The following CHIC2 variants were observed in gnomAD, a reference collection of about 807,000 sequenced individuals.
The protein encoded by CHIC2 is cysteine-rich hydrophobic domain-containing protein 2.
Under a neutral mutation model 25.9 loss-of-function variants are expected in CHIC2, and 14 were observed. The ratio of observed to expected loss-of-function variants is 0.54; its 90% CI spans 0.36 to 0.85. The LOEUF (loss-of-function observed/expected upper bound fraction) is 0.85. Ranked by LOEUF, CHIC2 falls within the 40% of genes least tolerant of loss-of-function variation. CHIC2 has a pLI of 0.01. For missense variants in CHIC2, 146 were observed against 202.0 expected, an observed-to-expected ratio of 0.72 and a Z score of 1.68; for synonymous variants, 70 against 72.0, an observed-to-expected ratio of 0.97 and a Z score of 0.14.
the CHIC2 span, among the ~76,000 whole-genome samples, chr4:54,076,470 G>C: frequency 2.6e-5 from 4 of 152,060 alleles, no homozygotes; most frequent in African/African-American, 9.7e-5. Context: ...AAAGCTAACT[G>C]GTTTTACTCA....
At chr4:54,081,359 T>A in the CHIC2 span, among the ~76,000 whole-genome samples, 1 of 151,988 alleles carries the variant, frequency 6.6e-6, no homozygotes, top group Non-Finnish European at 1.5e-5. Context: ...TAATCTTTAT[T>A]GTGATAGTTA....
the CHIC2 span, among the ~76,000 whole-genome samples, chr4:54,073,224 G>A: frequency 1.3e-5 from 2 of 152,174 alleles, no homozygotes; most frequent in Non-Finnish European, 2.9e-5. Flanking sequence ...TTGGTCAACA[G>A]CCTTCTTAAC....
upstream of CHIC2, among the ~76,000 whole-genome samples, chr4:54,066,982 G>A (rs189689527): frequency 3.3e-3 from 501 of 152,304 alleles, 2 homozygotes; most frequent in African/African-American, 0.011. Flanking sequence ...TCCCAAAGAC[G>A]GAGGAAGCCA....
chr4:54,064,259 C>T lies in CHIC2; in HGVS notation c.42G>A (p.Glu14=), dbSNP rs758678484. The change falls in exon 1 of 6, where the codon GAG becomes GAA. Residue 14 remains glutamate (E), a synonymous_variant. Coordinates refer to ENST00000263921, the MANE Select transcript of CHIC2 (RefSeq NM_012110.4). This position sits in a 1 kb window ranked among gnomAD's most constrained non-coding sequence, Gnocchi z 4.2. ...FDEIYEEEED[E]ERALEEQLLK... Reference sequence around the variant, plus strand: ...GCAGCTGCTCCTCCAGGGCCCGCTCCTCGTCCTCCTCTTCCTCATAGATTT... The same window carrying T: ...GCAGCTGCTCCTCCAGGGCCCGCTCTTCGTCCTCCTCTTCCTCATAGATTT... The T allele has an allele frequency of 2.5e-6, 4 of 1,612,146 alleles. No homozygotes were observed. The highest frequency in any genetic ancestry group is 3.4e-6 in the Non-Finnish European group (4 of 1,179,160).
rs1274350994 is a variant in CHIC2, at chr4:54,023,877, G to A, written c.331-9758C>T. ...ATGGGCTGAAAGAGGTTTCCTCACC[G>A]TGCAAGGGTCCTCCATCATTAATTC... is the stretch of plus-strand genomic sequence containing the variant. On this transcript the variant is annotated intron_variant, in intron 3 of 5. Transcript: ENST00000263921. 2.6e-5 allele frequency among the ~76,000 whole-genome samples: 4 copies of A among 152,186 alleles called. No homozygotes were observed. In the East Asian group the frequency reaches 5.8e-4, roughly 22 times the overall value.
At chr4:54,020,727 C>A (rs1474166200) in intron 3 of CHIC2, among the ~76,000 whole-genome samples, 5 of 152,168 alleles carry the variant, frequency 3.3e-5, no homozygotes, top group Non-Finnish European at 5.9e-5. Flanking sequence ...AATTCCAGTT[C>A]TTTTTCCTCT....
the CHIC2 span, among the ~76,000 whole-genome samples, chr4:54,073,137 C>A: frequency 6.6e-6 from 1 of 152,146 alleles, no homozygotes; most frequent in Admixed American, 6.5e-5. Context: ...TTTACTTCAA[C>A]CATATTTCCT....
At chr4:54,034,023 G>A (rs1423509915) in intron 3 of CHIC2, among the ~76,000 whole-genome samples, 4 of 151,474 alleles carry the variant, frequency 2.6e-5, no homozygotes, top group Non-Finnish European at 2.9e-5. Flanking sequence ...GAATCAGTCT[G>A]TCAATTTCTA....
At position 54,027,399 on chromosome 4, in the gene CHIC2, C is replaced by A. The variant is rs957685772; in HGVS notation, c.331-13280G>T. On this transcript the variant is annotated intron_variant, in intron 3 of 5. Coordinates refer to ENST00000263921, the MANE Select transcript of CHIC2 (RefSeq NM_012110.4). The stretch of plus-strand genomic sequence containing the variant: ...CTTTTATGATGAAAACTTAGTAATG[C>A]GGTTTAATTTTAATTAAAAACAAAT... 9.9e-5 allele frequency among the ~76,000 whole-genome samples: 15 copies of A among 151,994 alleles called. 1 individual carries two copies. Among genetic ancestry groups the A allele is most frequent in the Non-Finnish European group, 1.5e-5 (1 of 67,972 alleles).
chr4:54,037,289 G>T (rs1716418764), intron 3 of CHIC2, among the ~76,000 whole-genome samples: 1 of 152,004 alleles, frequency 6.6e-6, no homozygotes, highest in African/African-American at 2.4e-5. Context: ...GTCTGGGAAG[G>T]CTGTAGTGAG....
intron 4 of CHIC2, 28 bp downstream of exon 4, chr4:54,014,033 CAG>C: frequency 6.2e-7 from 1 of 1,610,998 alleles, no homozygotes; most frequent in South Asian, 1.1e-5. Context: ...CAGACCCCAA[CAG>C]TACGAAGCTG....
At chr4:54,074,134 G>C in the CHIC2 span, among the ~76,000 whole-genome samples, 1 of 152,046 alleles carries the variant, frequency 6.6e-6, no homozygotes, top group African/African-American at 2.4e-5. Context: ...CTCCAGTCCG[G>C]GTGACAGTGA....
At chr4:54,019,129 T>C (rs1435892240) in intron 3 of CHIC2, among the ~76,000 whole-genome samples, 1 of 151,960 alleles carries the variant, frequency 6.6e-6, no homozygotes, top group Non-Finnish European at 1.5e-5. Context: ...AATTATATTA[T>C]TCACTTCTGC....
At chr4:54,014,638 T>C (rs528452933) in intron 3 of CHIC2, among the ~76,000 whole-genome samples, 9 of 152,292 alleles carry the variant, frequency 5.9e-5, no homozygotes, top group African/African-American at 2.2e-4. Context: ...CTGATTATTC[T>C]ACCAATAGAT....
chr4:54,089,581 T>A, the CHIC2 span, among the ~76,000 whole-genome samples: 1 of 152,204 alleles, frequency 6.6e-6, no homozygotes, highest in Non-Finnish European at 1.5e-5. Flanking sequence ...TATGTTGTAT[T>A]TAATCAGAAA....
intron 1 of CHIC2, among the ~76,000 whole-genome samples, chr4:54,052,956 T>G (rs567864323): frequency 6.6e-6 from 1 of 151,732 alleles, no homozygotes; most frequent in Non-Finnish European, 1.5e-5. Context: ...ATTTACAACA[T>G]TTTAGGAATG....
At chr4:54,013,225 T>G (rs2110058193) in intron 5 of CHIC2, among the ~76,000 whole-genome samples, 1 of 152,212 alleles carries the variant, frequency 6.6e-6, no homozygotes, top group African/African-American at 2.4e-5. Flanking sequence ...GTCAGTAAAT[T>G]AAATCCCATG....
At chr4:54,019,903 A>C (rs541833214) in intron 3 of CHIC2, among the ~76,000 whole-genome samples, 1 of 152,034 alleles carries the variant, frequency 6.6e-6, no homozygotes, top group East Asian at 1.9e-4. Flanking sequence ...GTTAAAAAAA[A>C]ATTATCCAAA....
At chr4:54,052,524 T>C (rs1717032913) in intron 1 of CHIC2, among the ~76,000 whole-genome samples, 1 of 152,128 alleles carries the variant, frequency 6.6e-6, no homozygotes, top group East Asian at 1.9e-4. Flanking sequence ...AAATAATAAT[T>C]TGATGTACTT....
Sources: allele counts gnomAD v4.1 joint callset (sites outside exome capture counted in the v4.1 genomes callset), GRCh38; gene constraint gnomAD v4.1.1; non-coding constraint Gnocchi (gnomAD v3.1); transcripts MANE v1.5; gene names NCBI Gene and HGNC (gene_info 2026-07-23, HGNC 2026-07-21).